Variants in SLC68A1 observed in about 807,000 individuals in gnomAD.
The protein encoded by SLC68A1 is solute carrier family 68 member 1, also known as major facilitator superfamily domain containing 13A.
the SLC68A1 span, among the ~76,000 whole-genome samples, chr10:102,462,788 T>TC: frequency 1.3e-5 from 2 of 152,206 alleles, no homozygotes; most frequent in East Asian, 3.8e-4. Flanking sequence ...TGAGCTCTCT[T>TC]CCCAGATTGT....
At chr10:102,476,803 T>G in the SLC68A1 span, 1 of 985,854 alleles carries the variant, frequency 1.0e-6, no homozygotes, top group African/African-American at 1.7e-5. Context: ...GCCGCTGTGG[T>G]GGACTCAGGA....
the SLC68A1 span, chr10:102,472,068 T>G: frequency 2.2e-6 from 1 of 454,792 alleles, no homozygotes; most frequent in South Asian, 1.6e-5. Flanking sequence ...GACGCCAAGG[T>G]GGAAAGACCG....
At chr10:102,474,988 CTT>C in the SLC68A1 span, among the ~76,000 whole-genome samples, 5 of 149,366 alleles carry the variant, frequency 3.3e-5, no homozygotes, top group East Asian at 6.2e-4. Context: ...GTGTGATTGA[CTT>C]TTTAACAAAA....
the SLC68A1 span, among the ~76,000 whole-genome samples, chr10:102,466,284 G>A: frequency 6.6e-6 from 1 of 152,040 alleles, no homozygotes; most frequent in Admixed American, 6.6e-5. Context: ...AGGAGTTCAA[G>A]ACCAGCCTGG....
chr10:102,462,136 G>T, the SLC68A1 span: 1 of 152,540 alleles, frequency 6.6e-6, no homozygotes. Context: ...GAGGAGGATG[G>T]GCCCCCACCC....
chr10:102,471,082 G>A, the SLC68A1 span: 1 of 1,613,988 alleles, frequency 6.2e-7, no homozygotes, highest in Non-Finnish European at 8.5e-7. Flanking sequence ...CGGCCCGAAA[G>A]GACCCAGGGT....
chr10:102,476,178 C>T, the SLC68A1 span: 21 of 982,200 alleles, frequency 2.1e-5, no homozygotes, highest in Non-Finnish European at 2.8e-5. Flanking sequence ...AGCAATTATC[C>T]TGCCTCAGCC....
the SLC68A1 span, chr10:102,473,825 C>T: frequency 9.1e-5 from 147 of 1,610,254 alleles, 2 homozygotes; most frequent in South Asian, 1.3e-3. Flanking sequence ...GCAGCAACCG[C>T]GTCTTCACTG....
chr10:102,473,359 C>A, the SLC68A1 span, among the ~76,000 whole-genome samples: 4 of 152,098 alleles, frequency 2.6e-5, no homozygotes, highest in Admixed American at 6.6e-5. Context: ...GTTAGTTCAT[C>A]TTTTTGGGCC....
the SLC68A1 span, chr10:102,473,840 CA>C: frequency 7.4e-6 from 12 of 1,612,470 alleles, no homozygotes; most frequent in Non-Finnish European, 1.0e-5. Flanking sequence ...TCACTGAGGG[CA>C]CCTGTAAGCT....
chr10:102,461,410 C>G, the SLC68A1 span: 3 of 152,264 alleles, frequency 2.0e-5, no homozygotes, highest in Non-Finnish European at 4.4e-5. Context: ...GCACCTGGCT[C>G]CCGCCAGCCG....
the SLC68A1 span, among the ~76,000 whole-genome samples, chr10:102,474,746 C>T: frequency 6.6e-6 from 1 of 152,136 alleles, no homozygotes; most frequent in African/African-American, 2.4e-5. Flanking sequence ...CTCCCAGGTT[C>T]AAGTGAGCCT....
the SLC68A1 span, chr10:102,469,235 G>A: frequency 6.2e-7 from 1 of 1,607,870 alleles, no homozygotes; most frequent in Non-Finnish European, 8.5e-7. Context: ...GGAGGAGGGG[G>A]TGGGGTGGAG....
At chr10:102,476,441 G>C in the SLC68A1 span, 1 of 901,192 alleles carries the variant, frequency 1.1e-6, no homozygotes. Flanking sequence ...CTGACCTCAA[G>C]TGATCTGCCT....
the SLC68A1 span, among the ~76,000 whole-genome samples, chr10:102,473,269 G>A: frequency 6.6e-6 from 1 of 152,208 alleles, no homozygotes; most frequent in South Asian, 2.1e-4. Context: ...GCAGTGGCTG[G>A]TTAACACAGA....
At chr10:102,473,777 T>C in the SLC68A1 span, 3 of 1,606,906 alleles carry the variant, frequency 1.9e-6, no homozygotes, top group African/African-American at 4.0e-5. Flanking sequence ...AACACCTCCA[T>C]CCCATGCCTT....
At chr10:102,475,790 G>A in the SLC68A1 span, 1 of 1,614,056 alleles carries the variant, frequency 6.2e-7, no homozygotes, top group Non-Finnish European at 8.5e-7. Flanking sequence ...AGAGCCCCCA[G>A]CTCCAGCCCC....
chr10:102,462,781 G>A, the SLC68A1 span, among the ~76,000 whole-genome samples: 1 of 152,212 alleles, frequency 6.6e-6, no homozygotes, highest in Non-Finnish European at 1.5e-5. Flanking sequence ...GCTGCTCTGA[G>A]CTCTCTTCCC....
At chr10:102,475,794 C>T in the SLC68A1 span, 2 of 1,614,086 alleles carry the variant, frequency 1.2e-6, no homozygotes, top group Non-Finnish European at 8.5e-7. Context: ...CCCCCAGCTC[C>T]AGCCCCTGCA....
Sources: gnomAD v4.1 joint callset for allele counts (sites outside exome capture counted in the v4.1 genomes callset) on GRCh38, gnomAD v4.1.1 for gene constraint, MANE v1.5 for transcripts, NCBI Gene and HGNC (gene_info 2026-07-23, HGNC 2026-07-21) for gene names.